PATJ: variants seen among roughly 807,000 people sequenced by gnomAD.
PATJ encodes inaD-like protein.
PATJ carries 190 observed loss-of-function variants against 224.9 expected under a neutral mutation model. The observed-to-expected ratio is 0.84, with a 90% CI of 0.75 to 0.95. PATJ has a LOEUF of 0.95. Among genes scored for constraint, PATJ ranks in the 40% least tolerant of loss-of-function variants. The pLI is 0.00. For synonymous variants in PATJ, 769 were observed against 820.3 expected (o/e 0.94, Z 1.07); for missense variants, 2,121 against 2,270.3 (o/e 0.93, Z 1.34).
chr1:61,779,181 G>A (rs1323804870), intron 7 of PATJ, among the ~76,000 whole-genome samples: 1 of 152,054 alleles, frequency 6.6e-6, no homozygotes, highest in South Asian at 2.1e-4. Flanking sequence ...GAACCAATAG[G>A]ACATGCGTGT....
rs1269357553 is a variant in PATJ at position 61,968,286 on chromosome 1, CT to C, written c.3671-21879del. ...TGCTTTCTTTCATTCGGTGGCTTTT[CT>C]TTAGAATACACATGGGGTCTCCTTC... is the stretch of plus-strand genomic sequence containing the variant. On this transcript the variant is annotated intron_variant, in intron 27 of 43. Coordinates refer to ENST00000642238, the MANE Select transcript of PATJ (RefSeq NM_001350145.3). 9.9e-5 allele frequency among the ~76,000 whole-genome samples: 15 copies of C among 152,148 alleles called. 1 individual carries two copies. In the East Asian group the frequency reaches 2.9e-3, roughly 29 times the overall value.
intron 14 of PATJ, among the ~76,000 whole-genome samples, chr1:61,813,374 TATATACAC>T (rs1480756949): frequency 7.1e-3 from 507 of 71,684 alleles, no homozygotes; most frequent in African/African-American, 9.8e-3. Flanking sequence ...TATATATATA[TATATACAC>T]ACACACACAC....
chr1:62,036,871 C>CAAAAAAAAAAAAAAAAAA lies in PATJ; in HGVS notation c.3960-1096_3960-1095insAAAAAAAAAAAAAAAAAA, dbSNP rs55761910. Among the ~76,000 whole-genome samples the CAAAAAAAAAAAAAAAAAA allele has an allele frequency of 3.1e-4, 21 of 67,296 alleles. 2 individuals carry two copies. The highest frequency in any genetic ancestry group is 1.6e-3 in the East Asian group (3 of 1,878). 44.1% of individuals were successfully genotyped at this position (67,296 alleles called of 152,430 possible). ...TTGGTGACAAAGTGAGACTCCATCTCAAAAAAAAAAGAAGGAAGAAAGGAA... is the reference window on the plus strand; with the variant it reads ...TTGGTGACAAAGTGAGACTCCATCTCAAAAAAAAAAAAAAAAAAAAAAAAAAAAGAAGGAAGAAAGGAA... On this transcript the variant is annotated intron_variant, in intron 29 of 43. Coordinates refer to ENST00000642238, the MANE Select transcript of PATJ (RefSeq NM_001350145.3).
At chr1:62,079,688 C>T (rs1223626971) in intron 32 of PATJ, 121 bp downstream of exon 32, 4 of 690,732 alleles carry the variant, frequency 5.8e-6, no homozygotes, top group South Asian at 5.5e-5. Context: ...ACTTCCTCCG[C>T]TTCCTTAGCT....
intron 10 of PATJ, among the ~76,000 whole-genome samples, chr1:61,796,414 G>A (rs1464146287): frequency 6.6e-6 from 1 of 152,156 alleles, no homozygotes; most frequent in Non-Finnish European, 1.5e-5. Context: ...GAGGGATGAA[G>A]TATTAGATGA....
intron 24 of PATJ, among the ~76,000 whole-genome samples, chr1:61,907,970 A>G (rs1275960332): frequency 6.6e-6 from 1 of 152,222 alleles, no homozygotes; most frequent in African/African-American, 2.4e-5. Context: ...TACTTAAAAT[A>G]TTATGCCTCT....
chr1:61,812,406 CTGAG>C lies in PATJ; in HGVS notation c.1683+3877_1683+3880del, dbSNP rs1655008694. ...AGAGAGAGAGAGAGAATGTGAGTGACTGAGAGAGAGAGAGAGAGAGAGAGAGAGT... is the reference window on the plus strand; with the variant it reads ...AGAGAGAGAGAGAGAATGTGAGTGACAGAGAGAGAGAGAGAGAGAGAGAGT... On this transcript the variant is annotated intron_variant, in intron 14 of 43. Coordinates refer to ENST00000642238, the MANE Select transcript of PATJ (RefSeq NM_001350145.3). Among the ~76,000 whole-genome samples, 6 of 48,856 alleles carry C rather than the reference CTGAG, an allele frequency of 1.2e-4. No homozygotes were observed. The South Asian group carries it at 2.5e-3, about 21-fold the overall frequency. 32.1% of individuals were successfully genotyped at this position (48,856 alleles called of 152,430 possible).
intron 22 of PATJ, among the ~76,000 whole-genome samples, chr1:61,888,106 G>T (rs1287807699): frequency 6.6e-6 from 1 of 152,202 alleles, no homozygotes; most frequent in Admixed American, 6.5e-5. Flanking sequence ...AGCCAGGCCG[G>T]TATGCAGAGG....
intron 27 of PATJ, among the ~76,000 whole-genome samples, chr1:61,980,314 A>G (rs1436827441): frequency 6.6e-6 from 1 of 152,004 alleles, no homozygotes; most frequent in Non-Finnish European, 1.5e-5. Flanking sequence ...TAAAATCAGC[A>G]AAAGTCTATA....
chr1:61,745,749 G>A (rs1171926828), intron 1 of PATJ, among the ~76,000 whole-genome samples: 1 of 149,808 alleles, frequency 6.7e-6, no homozygotes, highest in Non-Finnish European at 1.5e-5. Context: ...GATTACAGGC[G>A]CCTGCCACCA....
At position 62,050,943 on chromosome 1, in the gene PATJ, A is replaced by G. The variant is rs767601831; in HGVS notation, c.4033-23A>G. On this transcript the variant is annotated intron_variant, in intron 30 of 43. Transcript: ENST00000642238. Reference sequence around the variant, plus strand: ...GTAAGTGAAGAATGACATCTTTGCCATTTTCTTTTTAACGTTCCATAGGAT... The same window carrying G: ...GTAAGTGAAGAATGACATCTTTGCCGTTTTCTTTTTAACGTTCCATAGGAT... 8 of 1,583,948 alleles carry G rather than the reference A, an allele frequency of 5.1e-6. No individual in the cohort carries two copies. The Middle Eastern group carries it at 5.0e-4, about 99-fold the overall frequency.
At chr1:61,812,576 C>T (rs1403581472) in intron 14 of PATJ, among the ~76,000 whole-genome samples, 2 of 151,850 alleles carry the variant, frequency 1.3e-5, no homozygotes, top group Non-Finnish European at 2.9e-5. Context: ...TGGCCAGGCA[C>T]AGTGGCTCAC....
intron 17 of PATJ, among the ~76,000 whole-genome samples, chr1:61,849,048 T>C (rs1415678721): frequency 6.6e-6 from 1 of 152,230 alleles, no homozygotes; most frequent in Non-Finnish European, 1.5e-5. Context: ...TAAAAATACA[T>C]ATCTGTGGAA....
intron 21 of PATJ, among the ~76,000 whole-genome samples, chr1:61,882,307 T>C (rs1387729009): frequency 6.6e-6 from 1 of 152,206 alleles, no homozygotes; most frequent in Non-Finnish European, 1.5e-5. Flanking sequence ...GCCAGCCCTG[T>C]GTGAAAACAT....
intron 29 of PATJ, among the ~76,000 whole-genome samples, chr1:62,023,659 G>A (rs747188808): frequency 1.3e-5 from 2 of 152,188 alleles, no homozygotes; most frequent in Non-Finnish European, 2.9e-5. Flanking sequence ...AGTAAGCAAA[G>A]TCATAGGATG....
At chr1:62,053,343 T>C (rs1200708488) in intron 31 of PATJ, among the ~76,000 whole-genome samples, 3 of 152,254 alleles carry the variant, frequency 2.0e-5, no homozygotes, top group African/African-American at 7.2e-5. Flanking sequence ...AATCTCTGCA[T>C]GTTCTAGTTC....
intron 1 of PATJ, among the ~76,000 whole-genome samples, chr1:61,752,295 C>G (rs1645378795): frequency 6.8e-6 from 1 of 148,126 alleles, no homozygotes; most frequent in Non-Finnish European, 1.5e-5. Flanking sequence ...GAAAAACTGA[C>G]TCTTTTCATT....
chr1:61,840,009 GAAATATTTCTCCCTATAAAAATTGAC>G (rs1283403682), intron 17 of PATJ, among the ~76,000 whole-genome samples: 1 of 151,908 alleles, frequency 6.6e-6, no homozygotes, highest in Non-Finnish European at 1.5e-5. Flanking sequence ...AAGAATAGTG[GAAATATTTCTCCCTATAAAAATTGAC>G]AGTTATTAAT....
At chr1:61,777,703 C>CTTTTTTTTTTTTTTTTTT (rs66470863) in intron 7 of PATJ, among the ~76,000 whole-genome samples, 59 of 48,738 alleles carry the variant, frequency 1.2e-3, no homozygotes, top group Non-Finnish European at 1.3e-3. Flanking sequence ...TTCTTTCTTT[C>CTTTTTTTTTTTTTTTTTT]TTTTTTTTTT....
Sources: allele counts gnomAD v4.1 joint callset (sites outside exome capture counted in the v4.1 genomes callset), GRCh38; gene constraint gnomAD v4.1.1; transcripts MANE v1.5; gene names NCBI Gene and HGNC (gene_info 2026-07-23, HGNC 2026-07-21).